The following ATP13A4 variants were observed in gnomAD, a reference collection of about 807,000 sequenced individuals.
The protein encoded by ATP13A4 is ATPase 13A4, also known as probable cation-transporting ATPase 13A4.
In ATP13A4, 114 loss-of-function variants were observed where a neutral mutation model predicts 142.5. The observed-to-expected ratio is 0.80, with a 90% CI of 0.69 to 0.93. The LOEUF is 0.93. Among genes scored for constraint, ATP13A4 ranks in the 40% least tolerant of loss-of-function variants. The pLI, the probability that ATP13A4 is intolerant of heterozygous loss-of-function variation, is 0.00. For missense variants in ATP13A4, 1,392 were observed against 1,454.0 expected (o/e 0.96, Z 0.69); for synonymous variants, 488 against 514.8 (o/e 0.95, Z 0.70).
intron 1 of ATP13A4, among the ~76,000 whole-genome samples, chr3:193,544,678 T>C (rs1723126624): frequency 6.6e-6 from 1 of 152,222 alleles, no homozygotes; most frequent in Admixed American, 6.5e-5. Context: ...AGATCAGAGA[T>C]TTAAGACTTA....
intron 2 of ATP13A4, among the ~76,000 whole-genome samples, chr3:193,510,227 A>C (rs968589532): frequency 3.3e-5 from 5 of 152,298 alleles, no homozygotes; most frequent in Non-Finnish European, 7.4e-5. Flanking sequence ...TTAAGATGAC[A>C]TTCGCGTGGC....
At chr3:193,543,280 T>A (rs1275972269) in intron 1 of ATP13A4, among the ~76,000 whole-genome samples, 1 of 151,808 alleles carries the variant, frequency 6.6e-6, no homozygotes, top group Non-Finnish European at 1.5e-5. Context: ...CAAAAATTCA[T>A]AAATGGGATC....
chr3:193,468,420 G>A (rs1440172344), intron 9 of ATP13A4, among the ~76,000 whole-genome samples: 1 of 152,124 alleles, frequency 6.6e-6, no homozygotes, highest in African/African-American at 2.4e-5. Flanking sequence ...TATAACAGCT[G>A]GCAGTGGGGA....
At chr3:193,459,680 C>A (rs1717841072) in intron 13 of ATP13A4, among the ~76,000 whole-genome samples, 1 of 152,168 alleles carries the variant, frequency 6.6e-6, no homozygotes, top group South Asian at 2.1e-4. Flanking sequence ...CTCAGCTAAC[C>A]CACCTGCGTC....
intron 1 of ATP13A4, among the ~76,000 whole-genome samples, chr3:193,535,088 A>G (rs1722524343): frequency 6.6e-6 from 1 of 152,146 alleles, no homozygotes; most frequent in South Asian, 2.1e-4. Flanking sequence ...TAAAAGCCAA[A>G]GACCTCAACA....
chr3:193,577,026 C>T (rs189624210), intron 2 of ATP13A4, among the ~76,000 whole-genome samples: 10 of 152,306 alleles, frequency 6.6e-5, no homozygotes, highest in Admixed American at 2.0e-4. Context: ...AGCTCAGAAC[C>T]TCAGGGTCAT....
intron 2 of ATP13A4, among the ~76,000 whole-genome samples, chr3:193,572,086 A>G (rs905943245): frequency 1.3e-5 from 2 of 152,104 alleles, no homozygotes; most frequent in African/African-American, 4.8e-5. Flanking sequence ...CCTCTACAAA[A>G]CATACAAAAT....
chr3:193,447,696 CTT>C (rs1486839157), intron 18 of ATP13A4, among the ~76,000 whole-genome samples: 1 of 152,144 alleles, frequency 6.6e-6, no homozygotes, highest in South Asian at 2.1e-4. Flanking sequence ...TCATTGCTCT[CTT>C]GTTTGTATGA....
intron 16 of ATP13A4, among the ~76,000 whole-genome samples, chr3:193,455,060 C>T (rs906351829): frequency 4.0e-5 from 6 of 151,810 alleles, no homozygotes; most frequent in African/African-American, 7.3e-5. Flanking sequence ...GGCAAAGGGC[C>T]GGGTGTGGTG....
At chr3:193,551,901 T>A (rs767900332) in intron 1 of ATP13A4, among the ~76,000 whole-genome samples, 7 of 152,244 alleles carry the variant, frequency 4.6e-5, no homozygotes, top group Non-Finnish European at 8.8e-5. Flanking sequence ...AAAGATATTA[T>A]TTTCAGGTCA....
intron 25 of ATP13A4, among the ~76,000 whole-genome samples, chr3:193,415,917 T>C (rs1230194541): frequency 6.6e-6 from 1 of 152,174 alleles, no homozygotes; most frequent in Non-Finnish European, 1.5e-5. Context: ...TCCCAGGGCA[T>C]AGTACATGCT....
rs914571976 is a variant in ATP13A4, at chr3:193,468,431, T to C, written c.944-945A>G. Among the ~76,000 whole-genome samples, 5 of 152,120 alleles carry C rather than the reference T, an allele frequency of 3.3e-5. No individual in the cohort carries two copies. In the East Asian group the frequency reaches 9.7e-4, roughly 30 times the overall value. On this transcript the variant is annotated intron_variant, in intron 9 of 29. Transcript: ENST00000342695. ...GAACTATAACAGCTGGCAGTGGGGATAGAAAGGAAGCACTGCATTCAGGAA... is the reference window on the plus strand; with the variant it reads ...GAACTATAACAGCTGGCAGTGGGGACAGAAAGGAAGCACTGCATTCAGGAA...
intron 3 of ATP13A4, among the ~76,000 whole-genome samples, chr3:193,493,869 G>A (rs929500982): frequency 3.3e-5 from 5 of 151,944 alleles, no homozygotes; most frequent in African/African-American, 1.2e-4. Context: ...AACATAAAAA[G>A]AGCCAACTAT....
intron 1 of ATP13A4, chr3:193,553,302 A>G (rs910036999): frequency 3.9e-5 from 6 of 152,234 alleles, no homozygotes; most frequent in African/African-American, 1.4e-4. Context: ...CAGTTTCCCT[A>G]CAACCATGAA....
chr3:193,502,357 T>C, intron 3 of ATP13A4, 136 bp downstream of exon 3: 1 of 1,083,614 alleles, frequency 9.2e-7, no homozygotes, highest in Non-Finnish European at 1.4e-6. Flanking sequence ...TTGGACTGTC[T>C]GGCTCCAAAG....
At chr3:193,430,195 T>C (rs1272756578) in intron 25 of ATP13A4, among the ~76,000 whole-genome samples, 1 of 152,248 alleles carries the variant, frequency 6.6e-6, no homozygotes, top group African/African-American at 2.4e-5. Context: ...TAAACTCTTC[T>C]GTGACACCTC....
intron 2 of ATP13A4, among the ~76,000 whole-genome samples, chr3:193,504,669 G>A (rs573888311): frequency 6.6e-6 from 1 of 152,008 alleles, no homozygotes; most frequent in East Asian, 1.9e-4. Flanking sequence ...AATTTGATTG[G>A]ACTGCCATTT....
At chr3:193,556,504 T>C (rs983452563), upstream of ATP13A4, among the ~76,000 whole-genome samples, 38 of 149,494 alleles carry the variant, frequency 2.5e-4, no homozygotes, top group African/African-American at 8.8e-4. Context: ...TGTGTGTGTG[T>C]GTGTGTATAT....
In ATP13A4 at chr3:193,519,626, ATTTTT is replaced by A. The variant is rs147173408; in HGVS notation, c.61-4760_61-4756del. Among the ~76,000 whole-genome samples, 390 of 69,018 alleles carry A rather than the reference ATTTTT, an allele frequency of 5.7e-3. 3 individuals are homozygous for A. The highest frequency in any genetic ancestry group is 8.0e-3 in the Admixed American group (40 of 4,970). The allele number at this position is 69,018 out of a possible 152,430, so 45.3% of individuals were successfully genotyped here. On this transcript the variant is annotated intron_variant, in intron 1 of 29. Coordinates refer to ENST00000342695, the MANE Select transcript of ATP13A4 (RefSeq NM_032279.4). ...GAATTTTCACAATTTGCAATTTGTA[ATTTTT>A]TTTTTTTTTTTTTTTTTTTTTTTTT...
Sources: gnomAD v4.1 joint callset for allele counts (sites outside exome capture counted in the v4.1 genomes callset) on GRCh38, gnomAD v4.1.1 for gene constraint, MANE v1.5 for transcripts, NCBI Gene and HGNC (gene_info 2026-07-23, HGNC 2026-07-21) for gene names.